NDFIP1: variants seen among roughly 807,000 people sequenced by gnomAD.
NDFIP1 encodes the protein Nedd4 family interacting protein 1, also known as NEDD4 family-interacting protein 1.
In NDFIP1, 7 loss-of-function variants were observed where a neutral mutation model predicts 28.8. That is an observed-to-expected ratio of 0.24 (90% CI 0.14 to 0.46). The LOEUF (loss-of-function observed/expected upper bound fraction) is 0.46, where lower values mean the gene tolerates loss of function less well. Among genes scored for constraint, NDFIP1 ranks in the 20% least tolerant of loss-of-function variants. The pLI is 0.99. For missense variants in NDFIP1, 194 were observed against 269.1 expected, an observed-to-expected ratio of 0.72 and a Z score of 1.95; for synonymous variants, 92 against 101.0, an observed-to-expected ratio of 0.91 and a Z score of 0.53.
At chr5:142,147,601 G>T (rs1757401986) in intron 7 of NDFIP1, among the ~76,000 whole-genome samples, 1 of 152,132 alleles carries the variant, frequency 6.6e-6, no homozygotes, top group Admixed American at 6.6e-5. Context: ...TTGCAGCATT[G>T]TTAATTATCA....
At chr5:142,123,051 C>A (rs560858407) in intron 1 of NDFIP1, among the ~76,000 whole-genome samples, 1 of 152,194 alleles carries the variant, frequency 6.6e-6, no homozygotes, top group South Asian at 2.1e-4. Flanking sequence ...CAACCTCTAC[C>A]TCCCAGGTTG....
At chr5:142,132,067 C>T in intron 2 of NDFIP1, 145 bp from the exon 3 acceptor site, 2 of 1,087,914 alleles carry the variant, frequency 1.8e-6, no homozygotes, top group Non-Finnish European at 2.6e-6. Context: ...CAGTCTCTTA[C>T]ATTCATCTAA....
Position 142,152,627 on chromosome 5 carries a change from T to C in NDFIP1, c.*899T>C, listed in dbSNP as rs1156461606. On this transcript the variant is annotated 3_prime_UTR_variant, in exon 8 of 8. Coordinates refer to ENST00000253814, the MANE Select transcript of NDFIP1 (RefSeq NM_030571.4). ...ACTTTTGAGATGATCCCTAACATAC[T>C]GTACTACTTGCTTTTACAATGTGTT... The C allele has an allele frequency of 6.5e-6, 1 of 153,170 alleles. No homozygotes were observed. Among genetic ancestry groups the C allele is most frequent in the Non-Finnish European group, 1.5e-5 (1 of 68,492 alleles). The allele number at this position is 153,170 out of a possible 1,614,324, so 9.5% of individuals were successfully genotyped here. A position where few individuals can be genotyped will look rare whatever the true frequency, so the allele number is the denominator to read the frequency against.
In NDFIP1 at chr5:142,137,783, C is replaced by T; in HGVS notation, c.420C>T (p.Thr140=). The T allele has an allele frequency of 1.2e-6, 2 of 1,614,084 alleles. No individual in the cohort carries two copies. The highest frequency in any genetic ancestry group is 1.7e-6 in the Non-Finnish European group (2 of 1,180,004). ...WIGFFLSFCL[T]TSAAGRYGAI... The stretch of plus-strand genomic sequence containing the variant: ...GGTTTTTCCTGTCTTTTTGCCTGAC[C>T]ACTTCAGCTGCAGGAAGGTATGGGG... Residue 140 remains threonine (T), a synonymous_variant, in exon 5 of 8, where the codon ACC becomes ACT. Coordinates refer to ENST00000253814, the MANE Select transcript of NDFIP1 (RefSeq NM_030571.4).
At chr5:142,151,430 C>T (rs1167076886) in intron 7 of NDFIP1, among the ~76,000 whole-genome samples, 1 of 152,142 alleles carries the variant, frequency 6.6e-6, no homozygotes, top group Non-Finnish European at 1.5e-5. Flanking sequence ...GTGTGGGATG[C>T]GCAGTAGCAC....
chr5:142,128,586 G>T (rs986253955), intron 1 of NDFIP1, among the ~76,000 whole-genome samples: 1 of 152,058 alleles, frequency 6.6e-6, no homozygotes, highest in African/African-American at 2.4e-5. Context: ...GCCTCTCCCC[G>T]CGATCCCCCT....
chr5:142,132,400 A>C, intron 3 of NDFIP1, 58 bp downstream of exon 3: 3 of 1,567,074 alleles, frequency 1.9e-6, no homozygotes, highest in Non-Finnish European at 2.6e-6. Context: ...AGTTATTTTC[A>C]TTATCCAATT....
Position 142,108,802 on chromosome 5 carries a change from G to A in NDFIP1, c.-173G>A, listed in dbSNP as rs1045644163. The A allele has an allele frequency of 1.8e-4, 86 of 465,902 alleles. 1 individual carries two copies. The Admixed American group carries it at 3.7e-3, about 20-fold the overall frequency. 28.9% of individuals were successfully genotyped at this position (465,902 alleles called of 1,614,324 possible). A position where few individuals can be genotyped will look rare whatever the true frequency, so the allele number is the denominator to read the frequency against. On this transcript the variant is annotated 5_prime_UTR_variant, in exon 1 of 8. Transcript: ENST00000253814. The stretch of plus-strand genomic sequence containing the variant: ...CCAGGGGCCGCGTCGGAGCCTCGGC[G>A]GCGGCGGCGGTGCTTACAGCCTGAG...
At chr5:142,138,953 C>T (rs1180662441) in intron 5 of NDFIP1, among the ~76,000 whole-genome samples, 1 of 150,710 alleles carries the variant, frequency 6.6e-6, no homozygotes, top group Non-Finnish European at 1.5e-5. Flanking sequence ...TGCGGTGGCT[C>T]ACGCCTGTAA....
chr5:142,128,586 G>A (rs986253955), intron 1 of NDFIP1, among the ~76,000 whole-genome samples: 1 of 152,058 alleles, frequency 6.6e-6, no homozygotes, highest in Admixed American at 6.6e-5. Context: ...GCCTCTCCCC[G>A]CGATCCCCCT....
chr5:142,142,940 A>AAAAATATATATATAT (rs60076432), intron 6 of NDFIP1: 17 of 38,134 alleles, frequency 4.5e-4, no homozygotes, highest in Non-Finnish European at 7.5e-4. Context: ...AAAAAAAAAA[A>AAAAATATATATATAT]ATATATATAT....
chr5:142,135,068 T>TC (rs541419072), intron 3 of NDFIP1, among the ~76,000 whole-genome samples: 120 of 152,196 alleles, frequency 7.9e-4, no homozygotes, highest in Non-Finnish European at 1.1e-3. Context: ...AAGCTCTGCC[T>TC]CCCGGGTTCA....
At chr5:142,121,844 C>T (rs1757125236) in intron 1 of NDFIP1, among the ~76,000 whole-genome samples, 1 of 152,194 alleles carries the variant, frequency 6.6e-6, no homozygotes, top group South Asian at 2.1e-4. Context: ...GCTATTTCTT[C>T]AGCTAAGTTT....
intron 1 of NDFIP1, among the ~76,000 whole-genome samples, chr5:142,129,113 G>A (rs1757200440): frequency 6.6e-6 from 1 of 152,130 alleles, no homozygotes. Context: ...ACCAAGCTAG[G>A]TTTAAATGAA....
At chr5:142,136,772 AAAG>A (rs1757280100) in intron 4 of NDFIP1, among the ~76,000 whole-genome samples, 1 of 150,304 alleles carries the variant, frequency 6.7e-6, no homozygotes, top group South Asian at 2.1e-4. Context: ...AAAAAAAAAA[AAAG>A]AGGTCAAAGG....
chr5:142,109,089 C>A, intron 1 of NDFIP1, 52 bp downstream of exon 1: 1 of 1,297,230 alleles, frequency 7.7e-7, no homozygotes, highest in Non-Finnish European at 9.8e-7. Flanking sequence ...CTCTGCCCTG[C>A]CCGCTGGCCG....
intron 7 of NDFIP1, among the ~76,000 whole-genome samples, chr5:142,150,748 A>C (rs1757438928): frequency 6.6e-6 from 1 of 151,966 alleles, no homozygotes; most frequent in Non-Finnish European, 1.5e-5. Flanking sequence ...AAAGAAAAGA[A>C]AGAAAAGACA....
At chr5:142,131,948 G>A in intron 2 of NDFIP1, 53 bp downstream of exon 2, 1 of 1,432,148 alleles carries the variant, frequency 7.0e-7, no homozygotes, top group Non-Finnish European at 9.5e-7. Context: ...TCTGTGCTTT[G>A]ACATTACAGT....
In NDFIP1 at chr5:142,154,211, G is replaced by C. The variant is rs938248797; in HGVS notation, c.*2483G>C. 6.6e-6 allele frequency: 1 copy of C among 152,246 alleles called. No homozygotes were observed. Among genetic ancestry groups the C allele is most frequent in the Non-Finnish European group, 1.5e-5 (1 of 68,020 alleles). The allele number at this position is 152,246 out of a possible 1,614,324, so 9.4% of individuals were successfully genotyped here. A position where few individuals can be genotyped will look rare whatever the true frequency, so the allele number is the denominator to read the frequency against. On this transcript the variant is annotated 3_prime_UTR_variant, in exon 8 of 8. Transcript: ENST00000253814. ...TTGGAAAGGTATTCATAGGAACCGC[G>C]GTTATTTACTTAAGGTTATGGAGTA... is the stretch of plus-strand genomic sequence containing the variant.
Sources: allele counts gnomAD v4.1 joint callset (sites outside exome capture counted in the v4.1 genomes callset), GRCh38; gene constraint gnomAD v4.1.1; transcripts MANE v1.5; gene names NCBI Gene and HGNC (gene_info 2026-07-23, HGNC 2026-07-21).